GALNT13: variants seen among roughly 807,000 people sequenced by gnomAD.
GALNT13 encodes the protein polypeptide N-acetylgalactosaminyltransferase 13, also known as UDP-GalNAc:polypeptide N-acetylgalactosaminyltransferase 13.
In GALNT13, 28 loss-of-function variants were observed where a neutral mutation model predicts 64.2. That is an observed-to-expected ratio of 0.44 (90% CI 0.32 to 0.60). The LOEUF is 0.60. GALNT13 is among the 20% of genes least tolerant of loss of function. GALNT13 has a pLI of 0.05. For synonymous variants in GALNT13, 214 were observed against 224.6 expected (o/e 0.95, Z 0.42); for missense variants, 577 against 669.8 (o/e 0.86, Z 1.53).
At chr2:153,793,788 A>T in the GALNT13 span, among the ~76,000 whole-genome samples, 1 of 152,198 alleles carries the variant, frequency 6.6e-6, no homozygotes, top group Non-Finnish European at 1.5e-5. Flanking sequence ...GCATTTTCTT[A>T]TACTTTATTC....
chr2:154,232,420 G>A lies in GALNT13; in HGVS notation c.312-9610G>A, dbSNP rs567563843. ...TTTAAGGCACCAGGCCTTGATGGAC[G>A]TTACTGCTTTAGACTTTAAAATCAT... On this transcript the variant is annotated intron_variant, in intron 4 of 12. Coordinates refer to ENST00000392825, the MANE Select transcript of GALNT13 (RefSeq NM_052917.4). Among the ~76,000 whole-genome samples, 91 of 152,164 alleles carry A rather than the reference G, an allele frequency of 6.0e-4. 3 individuals carry two copies. In the South Asian group the frequency reaches 0.014, roughly 23 times the overall value.
chr2:153,617,131 T>C, the GALNT13 span, among the ~76,000 whole-genome samples: 2 of 152,118 alleles, frequency 1.3e-5, no homozygotes, highest in East Asian at 3.9e-4. Flanking sequence ...GTGGACAACG[T>C]TGTCATGTTC....
chr2:154,150,437 G>A lies in GALNT13; in HGVS notation c.311+9932G>A, dbSNP rs377209278. Among the ~76,000 whole-genome samples the A allele has an allele frequency of 3.8e-3, 573 of 151,914 alleles. 1 individual carries two copies. Among genetic ancestry groups the A allele is most frequent in the Non-Finnish European group, 6.0e-3 (408 of 67,954 alleles). ...GGCTTTGGTTATCAGGATGATGCTG[G>A]CCTCATAAAATGAGTTAGGGAGGAT... On this transcript the variant is annotated intron_variant, in intron 4 of 12. Coordinates refer to ENST00000392825, the MANE Select transcript of GALNT13 (RefSeq NM_052917.4).
At chr2:153,084,617 G>C in the GALNT13 span, among the ~76,000 whole-genome samples, 1 of 152,132 alleles carries the variant, frequency 6.6e-6, no homozygotes, top group Non-Finnish European at 1.5e-5. Context: ...TAAGTCTCAT[G>C]AGATCTGATG....
chr2:153,964,744 ATAAAAT>A (rs950106060), intron 3 of GALNT13, among the ~76,000 whole-genome samples: 19 of 152,100 alleles, frequency 1.2e-4, no homozygotes, highest in African/African-American at 3.8e-4. Flanking sequence ...GTAGAAAAAA[ATAAAAT>A]TAAAATAAAG....
chr2:153,578,779 A>G, the GALNT13 span, among the ~76,000 whole-genome samples: 8 of 152,306 alleles, frequency 5.3e-5, no homozygotes, highest in Admixed American at 5.2e-4. Flanking sequence ...AGTTAGCAAT[A>G]TTTTATGAAG....
At chr2:153,367,027 C>T in the GALNT13 span, among the ~76,000 whole-genome samples, 1 of 128,878 alleles carries the variant, frequency 7.8e-6, no homozygotes, top group Non-Finnish European at 1.7e-5. Flanking sequence ...AAAAAAAAAA[C>T]AAGGAAATTC....
At chr2:153,535,665 G>T in the GALNT13 span, among the ~76,000 whole-genome samples, 154 of 152,330 alleles carry the variant, frequency 1.0e-3, no homozygotes, top group African/African-American at 3.5e-3. Flanking sequence ...AGAAGGGAAA[G>T]TGGTAAAAGT....
intron 3 of GALNT13, among the ~76,000 whole-genome samples, chr2:154,012,129 T>C (rs553563104): frequency 5.3e-5 from 8 of 152,316 alleles, no homozygotes; most frequent in African/African-American, 1.4e-4. Context: ...CTTAGTATTA[T>C]GCAGACTGGA....
At chr2:153,998,679 A>G (rs994945875) in intron 3 of GALNT13, among the ~76,000 whole-genome samples, 3 of 152,074 alleles carry the variant, frequency 2.0e-5, no homozygotes, top group Non-Finnish European at 4.4e-5. Context: ...TTTTGTTGCC[A>G]TTGCTTTTGG....
the GALNT13 span, among the ~76,000 whole-genome samples, chr2:153,865,025 T>A: frequency 1.3e-5 from 2 of 149,674 alleles, no homozygotes; most frequent in Admixed American, 6.7e-5. Flanking sequence ...AACTATCTGA[T>A]CTTTGACAAA....
chr2:154,259,961 C>T (rs1447177724), intron 8 of GALNT13, among the ~76,000 whole-genome samples: 1 of 152,122 alleles, frequency 6.6e-6, no homozygotes, highest in Non-Finnish European at 1.5e-5. Context: ...GGGCTCACTG[C>T]AGCCTAGACC....
At chr2:153,092,743 A>G in the GALNT13 span, among the ~76,000 whole-genome samples, 1 of 152,164 alleles carries the variant, frequency 6.6e-6, no homozygotes. Flanking sequence ...TGTGGCATCT[A>G]GGATTTTCCA....
chr2:153,647,510 T>C, the GALNT13 span, among the ~76,000 whole-genome samples: 2 of 152,234 alleles, frequency 1.3e-5, no homozygotes, highest in South Asian at 2.1e-4. Flanking sequence ...TTGCCATTGC[T>C]TTTGGTGTAT....
At chr2:154,070,394 A>G (rs531216780) in intron 3 of GALNT13, among the ~76,000 whole-genome samples, 1 of 152,198 alleles carries the variant, frequency 6.6e-6, no homozygotes, top group Non-Finnish European at 1.5e-5. Context: ...AATACCATTC[A>G]AAATAGTTGA....
At chr2:154,101,238 A>G in intron 3 of GALNT13, among the ~76,000 whole-genome samples, 1 of 151,908 alleles carries the variant, frequency 6.6e-6, no homozygotes. Flanking sequence ...TTAGGAAGGA[A>G]TGTTTCCTCC....
chr2:153,231,967 T>G, the GALNT13 span, among the ~76,000 whole-genome samples: 2 of 152,142 alleles, frequency 1.3e-5, no homozygotes, highest in Non-Finnish European at 2.9e-5. Flanking sequence ...GCCTTCTTAT[T>G]TTTTGTGGTG....
the GALNT13 span, among the ~76,000 whole-genome samples, chr2:153,373,829 G>C: frequency 6.6e-6 from 1 of 151,912 alleles, no homozygotes; most frequent in Non-Finnish European, 1.5e-5. Context: ...GATTAATCTA[G>C]GTACCTCAGA....
the GALNT13 span, among the ~76,000 whole-genome samples, chr2:153,580,386 C>T: frequency 3.3e-5 from 5 of 152,122 alleles, no homozygotes; most frequent in African/African-American, 1.2e-4. Context: ...CATCTCGTTT[C>T]CAGCTCTCTC....
Sources: gnomAD v4.1 joint callset for allele counts (sites outside exome capture counted in the v4.1 genomes callset) on GRCh38, gnomAD v4.1.1 for gene constraint, MANE v1.5 for transcripts, NCBI Gene and HGNC (gene_info 2026-07-23, HGNC 2026-07-21) for gene names.